The following GALC variants were observed in gnomAD, a reference collection of about 807,000 sequenced individuals.
GALC encodes galactosylceramidase.
Under a neutral mutation model 91.8 loss-of-function variants are expected in GALC, and 77 were observed. That is an observed-to-expected ratio of 0.84 (90% CI 0.70 to 1.01). The LOEUF (loss-of-function observed/expected upper bound fraction) is 1.01. GALC is among the 50% of genes least tolerant of loss of function. The pLI is 0.00. For missense variants in GALC, 882 were observed against 855.9 expected, an observed-to-expected ratio of 1.03 and a Z score of -0.38; for synonymous variants, 357 against 306.7, an observed-to-expected ratio of 1.16 and a Z score of -1.71.
In GALC at chr14:87,934,199, G is replaced by A; in HGVS notation, c.*533C>T. ...CATTTCAAAAGTATCATCTTAAAAAGGAAAATAAAAAAATACTTTTTAGAG... is the reference window on the plus strand; with the variant it reads ...CATTTCAAAAGTATCATCTTAAAAAAGAAAATAAAAAAATACTTTTTAGAG... On this transcript the variant is annotated 3_prime_UTR_variant, in exon 17 of 17. Transcript: ENST00000261304. 12 of 1,386,366 alleles carry A rather than the reference G, an allele frequency of 8.7e-6. No individual in the cohort carries two copies. Among genetic ancestry groups the A allele is most frequent in the South Asian group, 1.8e-5 (1 of 57,136 alleles). The allele number at this position is 1,386,366 out of a possible 1,614,324, so 85.9% of individuals were successfully genotyped here.
chr14:87,954,496 A>C (rs984407679), intron 10 of GALC: 2 of 1,567,310 alleles, frequency 1.3e-6, no homozygotes, highest in Non-Finnish European at 1.7e-6. Context: ...GCAATTACAC[A>C]CTAGAAAACC....
chr14:87,957,975 C>T (rs1885628840), intron 10 of GALC, among the ~76,000 whole-genome samples: 1 of 152,068 alleles, frequency 6.6e-6, no homozygotes, highest in Non-Finnish European at 1.5e-5. Context: ...TATCAAAATA[C>T]CAACATCATC....
chr14:87,982,396 A>G (rs1204810941), intron 5 of GALC, among the ~76,000 whole-genome samples, 153 bp from the exon 6 acceptor site: 2 of 152,212 alleles, frequency 1.3e-5, no homozygotes, highest in African/African-American at 4.8e-5. Flanking sequence ...GAATTTATAG[A>G]TAGTTATAAG....
intron 16 of GALC, among the ~76,000 whole-genome samples, chr14:87,938,237 G>A (rs1387501314): frequency 1.3e-5 from 2 of 151,984 alleles, no homozygotes; most frequent in African/African-American, 4.8e-5. Context: ...TGCTAGTGAA[G>A]GGAGTAGGAA....
Position 87,986,442 on chromosome 14 carries a change from G to C in GALC, c.442+47C>G, listed in dbSNP as rs768585222. The C allele has an allele frequency of 3.4e-6, 4 of 1,193,678 alleles. No individual in the cohort carries two copies. The East Asian group carries it at 9.4e-5, about 28-fold the overall frequency. 73.9% of individuals were successfully genotyped at this position (1,193,678 alleles called of 1,614,324 possible). ...CACCAACACGATTCAGAATTTAAAA[G>C]TTAAAGGAAAAGAGACTGAAGAAAC... On this transcript the variant is annotated intron_variant, in intron 4 of 16. Coordinates refer to ENST00000261304, the MANE Select transcript of GALC (RefSeq NM_000153.4).
At chr14:87,954,706 G>A (rs1885449199) in intron 10 of GALC, 10 of 1,550,208 alleles carry the variant, frequency 6.5e-6, no homozygotes, top group African/African-American at 2.7e-5. Flanking sequence ...TTCCTATTAC[G>A]GCAGCTCAGA....
chr14:87,939,003 T>C (rs1884710504), intron 16 of GALC, among the ~76,000 whole-genome samples: 1 of 151,554 alleles, frequency 6.6e-6, no homozygotes, highest in Non-Finnish European at 1.5e-5. Context: ...GAAGAGAAAA[T>C]ACAAATAGCC....
At chr14:87,991,771 C>T (rs1029641837) in intron 1 of GALC, among the ~76,000 whole-genome samples, 1 of 152,108 alleles carries the variant, frequency 6.6e-6, no homozygotes, top group African/African-American at 2.4e-5. Flanking sequence ...CGAAATGATT[C>T]TTCTCATCTT....
At chr14:87,945,831 T>TC in intron 13 of GALC, 98 bp from the exon 14 acceptor site, 1 of 888,254 alleles carries the variant, frequency 1.1e-6, no homozygotes, top group Non-Finnish European at 1.8e-6. Context: ...TCTGAAAGCT[T>TC]TTAAATAAAT....
At chr14:87,972,362 C>T (rs74404031) in intron 7 of GALC, among the ~76,000 whole-genome samples, 17,184 of 152,060 alleles carry the variant, frequency 0.11, 1,141 homozygotes, top group Non-Finnish European at 0.16. Flanking sequence ...TTAGTAGTTA[C>T]CTTTAAGGCA....
rs1033922708 is a variant in GALC at position 87,939,660 on chromosome 14, A to G, written c.1911+245T>C. Among the ~76,000 whole-genome samples the G allele has an allele frequency of 2.0e-5, 3 of 151,926 alleles. No individual in the cohort carries two copies. In the East Asian group the frequency reaches 5.8e-4, roughly 29 times the overall value. ...GACTCTATCAATTATGCCTCAGTTT[A>G]AAAAACAAAATAAAATTTTTTAAAA... On this transcript the variant is annotated intron_variant, in intron 16 of 16. Transcript: ENST00000261304.
At chr14:87,971,318 G>A (rs1443022232) in intron 7 of GALC, among the ~76,000 whole-genome samples, 8 of 152,294 alleles carry the variant, frequency 5.3e-5, no homozygotes, top group Non-Finnish European at 8.8e-5. Context: ...CCCTAAGGGG[G>A]AGCATAGAAG....
intron 6 of GALC, chr14:87,976,724 C>T (rs1288326214): frequency 9.5e-6 from 4 of 419,588 alleles, no homozygotes; most frequent in African/African-American, 8.2e-5. Context: ...AAATGATTCT[C>T]CTGCCTCAGC....
chr14:87,950,843 T>C, intron 10 of GALC, 95 bp from the exon 11 acceptor site: 1 of 726,420 alleles, frequency 1.4e-6, no homozygotes, highest in Non-Finnish European at 2.5e-6. Flanking sequence ...TTAACAGAAA[T>C]TTACATATAC....
intron 6 of GALC, among the ~76,000 whole-genome samples, chr14:87,979,694 T>C (rs183116332): frequency 5.9e-5 from 9 of 152,342 alleles, no homozygotes; most frequent in African/African-American, 2.2e-4. Context: ...GAGAGACATG[T>C]GTACAATCAC....
Position 87,936,844 on chromosome 14 carries a change from T to C in GALC, c.1912-1966A>G, listed in dbSNP as rs367637351. 6.2e-5 allele frequency among the ~76,000 whole-genome samples: 9 copies of C among 144,596 alleles called. No homozygotes were observed. The South Asian group carries it at 1.1e-3, about 18-fold the overall frequency. 94.9% of individuals were successfully genotyped at this position (144,596 alleles called of 152,430 possible). Reference sequence around the variant, plus strand: ...TGGTCTGTCTGGTTCCAAACACTCCTACTCCTAAAAATATTAACTTGACTC... The same window carrying C: ...TGGTCTGTCTGGTTCCAAACACTCCCACTCCTAAAAATATTAACTTGACTC... On this transcript the variant is annotated intron_variant, in intron 16 of 16. Transcript: ENST00000261304.
chr14:87,966,634 T>C (rs905640154), intron 8 of GALC, among the ~76,000 whole-genome samples: 4 of 152,196 alleles, frequency 2.6e-5, no homozygotes, highest in Non-Finnish European at 4.4e-5. Flanking sequence ...ATTTTGCCCA[T>C]GGTTTGCAAG....
chr14:87,947,675 C>G, intron 13 of GALC, 53 bp downstream of exon 13: 1 of 1,545,936 alleles, frequency 6.5e-7, no homozygotes, highest in South Asian at 1.1e-5. Context: ...TAGAAATCAA[C>G]ACACTACTGT....
chr14:87,992,240 T>C (rs1025785900), intron 1 of GALC: 2 of 1,512,438 alleles, frequency 1.3e-6, no homozygotes, highest in African/African-American at 2.8e-5. Flanking sequence ...CCTTAACATT[T>C]TCAAGAAACA....
Sources: gnomAD v4.1 joint callset for allele counts (sites outside exome capture counted in the v4.1 genomes callset) on GRCh38, gnomAD v4.1.1 for gene constraint, MANE v1.5 for transcripts, NCBI Gene and HGNC (gene_info 2026-07-23, HGNC 2026-07-21) for gene names.